DOCK3: variants seen among roughly 807,000 people sequenced by gnomAD.
DOCK3 encodes dedicator of cytokinesis protein 3.
DOCK3 carries 60 observed loss-of-function variants against 265.6 expected under a neutral mutation model. The observed-to-expected ratio is 0.23, with a 90% confidence interval of 0.18 to 0.28. DOCK3 has a LOEUF of 0.28. DOCK3 is among the 10% of genes least tolerant of loss of function. The probability of loss-of-function intolerance (pLI) is 1.00; values close to 1 mark genes in which losing one functional copy is unlikely to be tolerated. For missense variants in DOCK3, 1,981 were observed against 2,594.3 expected (o/e 0.76, Z 5.14); for synonymous variants, 881 against 938.0 (o/e 0.94, Z 1.11).
At chr3:50,877,607 C>G in intron 3 of DOCK3, 1 of 511,604 alleles carries the variant, frequency 2.0e-6, no homozygotes, top group Non-Finnish European at 3.9e-6. Flanking sequence ...AAGACAGTGG[C>G]TTTCTGTAGT....
At chr3:51,003,818 T>G (rs1365487666) in intron 5 of DOCK3, among the ~76,000 whole-genome samples, 1 of 152,202 alleles carries the variant, frequency 6.6e-6, no homozygotes, top group East Asian at 1.9e-4. Context: ...GCAATTTTTG[T>G]CCAGGTGTTG....
intron 3 of DOCK3, among the ~76,000 whole-genome samples, chr3:50,883,925 T>G (rs963941005): frequency 1.3e-5 from 2 of 152,138 alleles, no homozygotes; most frequent in Admixed American, 1.3e-4. Flanking sequence ...ATGACTTCTT[T>G]CTGTCTCTGT....
chr3:50,898,237 T>G (rs1251733906), intron 4 of DOCK3, among the ~76,000 whole-genome samples: 2 of 151,872 alleles, frequency 1.3e-5, no homozygotes, highest in Non-Finnish European at 2.9e-5. Flanking sequence ...ATTTATCCAT[T>G]TCTTCTAGAT....
At position 51,375,778 on chromosome 3, in the gene DOCK3, C is replaced by A. The variant is rs1274935564; in HGVS notation, c.5443C>A (p.Gln1815Lys). Residue 1815 changes from glutamine to lysine, a missense_variant, in exon 51 of 53, where the codon CAA (glutamine) becomes AAA (lysine). Coordinates refer to ENST00000266037, the MANE Select transcript of DOCK3 (RefSeq NM_004947.5). ...PPNFQRALFQQVVGACKPCSD... is the reference protein window; with the variant it reads ...PPNFQRALFQKVVGACKPCSD... ...GAATTTCCAGCGAGCCCTGTTCCAG[C>A]AAGTGGTCGGAGCCTGCAAACCCTG... is the stretch of plus-strand genomic sequence containing the variant. 1 of 1,613,894 alleles carries A rather than the reference C, an allele frequency of 6.2e-7. No individual in the cohort carries two copies. The highest frequency in any genetic ancestry group is 8.5e-7 in the Non-Finnish European group (1 of 1,179,898).
intron 13 of DOCK3, among the ~76,000 whole-genome samples, chr3:51,209,562 A>C (rs2089398700): frequency 6.6e-6 from 1 of 152,234 alleles, no homozygotes; most frequent in African/African-American, 2.4e-5. Flanking sequence ...ACGCAGAACC[A>C]GGTTACTCCT....
At chr3:51,263,643 A>G (rs56940802) in intron 23 of DOCK3, among the ~76,000 whole-genome samples, 3,565 of 152,300 alleles carry the variant, frequency 0.023, 154 homozygotes, top group African/African-American at 0.081. Flanking sequence ...ATAAAGAGTC[A>G]AGACCCATCA....
chr3:51,357,617 A>G (rs78639720), intron 44 of DOCK3, 141 bp from the exon 45 acceptor site: 1 of 749,336 alleles, frequency 1.3e-6, no homozygotes, highest in Non-Finnish European at 2.2e-6. Flanking sequence ...CAGAAGTTCA[A>G]ACAGGCCAGA....
At chr3:51,123,723 G>T (rs1271077430) in intron 9 of DOCK3, among the ~76,000 whole-genome samples, 1 of 152,146 alleles carries the variant, frequency 6.6e-6, no homozygotes, top group African/African-American at 2.4e-5. Flanking sequence ...CTGTCACATG[G>T]GCACCCTCTG....
chr3:50,900,220 T>G (rs1200964653), intron 4 of DOCK3, among the ~76,000 whole-genome samples: 1 of 152,188 alleles, frequency 6.6e-6, no homozygotes, highest in Non-Finnish European at 1.5e-5. Context: ...TTTATTTCAT[T>G]AAGTTGATCT....
intron 4 of DOCK3, among the ~76,000 whole-genome samples, chr3:50,895,575 C>G (rs1017330077): frequency 6.6e-6 from 1 of 151,076 alleles, no homozygotes; most frequent in Non-Finnish European, 1.5e-5. Flanking sequence ...TGCAGGTTTG[C>G]TACATAGGTA....
At chr3:50,770,821 G>A (rs777012393) in intron 1 of DOCK3, among the ~76,000 whole-genome samples, 8 of 152,248 alleles carry the variant, frequency 5.3e-5, no homozygotes, top group Middle Eastern at 3.4e-3. Flanking sequence ...CAGCTACAGC[G>A]AACTCATTTT....
intron 12 of DOCK3, among the ~76,000 whole-genome samples, chr3:51,166,051 CTT>C (rs754621873): frequency 4.5e-5 from 6 of 133,162 alleles, no homozygotes; most frequent in East Asian, 2.1e-4. Flanking sequence ...TATATATATT[CTT>C]TTTTTTTTTT....
At chr3:51,291,906 A>G (rs1263436849) in intron 27 of DOCK3, among the ~76,000 whole-genome samples, 1 of 152,232 alleles carries the variant, frequency 6.6e-6, no homozygotes, top group Non-Finnish European at 1.5e-5. Flanking sequence ...ACCATGATCA[A>G]GTGGGATTTA....
At chr3:51,312,700 G>T in intron 30 of DOCK3, 124 bp downstream of exon 30, 1 of 1,237,580 alleles carries the variant, frequency 8.1e-7, no homozygotes, top group Non-Finnish European at 1.1e-6. Context: ...CCCAAGTGTG[G>T]GAGTTCAGTC....
At chr3:50,910,473 C>T (rs2049800217) in intron 4 of DOCK3, among the ~76,000 whole-genome samples, 1 of 152,130 alleles carries the variant, frequency 6.6e-6, no homozygotes, top group African/African-American at 2.4e-5. Context: ...AGCCCCAGGA[C>T]TTGTCCAATG....
chr3:50,740,461 G>A (rs970207671), intron 1 of DOCK3, among the ~76,000 whole-genome samples: 9 of 152,076 alleles, frequency 5.9e-5, no homozygotes, highest in South Asian at 2.1e-4. Flanking sequence ...CTTCCAAAAC[G>A]ATAGTATCAT....
At chr3:51,176,581 G>A (rs1000398467) in intron 12 of DOCK3, among the ~76,000 whole-genome samples, 2 of 152,068 alleles carry the variant, frequency 1.3e-5, no homozygotes, top group Admixed American at 6.6e-5. Flanking sequence ...AGCTGAGATC[G>A]CTCCACTGCA....
At chr3:51,264,502 A>G (rs2108801947) in intron 23 of DOCK3, among the ~76,000 whole-genome samples, 2 of 152,264 alleles carry the variant, frequency 1.3e-5, no homozygotes, top group South Asian at 4.1e-4. Flanking sequence ...CTAGAGAAGC[A>G]AGAGCATACA....
chr3:50,871,401 G>T lies in DOCK3; in HGVS notation c.163-18625G>T, dbSNP rs374535845. Among the ~76,000 whole-genome samples, 415 of 151,228 alleles carry T rather than the reference G, an allele frequency of 2.7e-3. 17 individuals are homozygous for T. In the South Asian group the frequency reaches 0.081, roughly 30 times the overall value. On this transcript the variant is annotated intron_variant, in intron 3 of 52. Coordinates refer to ENST00000266037, the MANE Select transcript of DOCK3 (RefSeq NM_004947.5). ...TTGTTAGACATGTTGGAGCTCCATT[G>T]TATGTTAGTTATTTGCTTCTTTTCT... is the stretch of plus-strand genomic sequence containing the variant.
Sources: gnomAD v4.1 joint callset for allele counts (sites outside exome capture counted in the v4.1 genomes callset) on GRCh38, gnomAD v4.1.1 for gene constraint, MANE v1.5 for transcripts, NCBI Gene and HGNC (gene_info 2026-07-23, HGNC 2026-07-21) for gene names.